The following FANCD2 variants were observed in gnomAD, a reference collection of about 807,000 sequenced individuals.
FANCD2 encodes the protein Fanconi anemia group D2 protein.
Under a neutral mutation model 192.3 loss-of-function variants are expected in FANCD2, and 131 were observed. That is an observed-to-expected ratio of 0.68 (90% CI 0.59 to 0.79). The LOEUF is 0.79. FANCD2 is among the 30% of genes least tolerant of loss of function. The pLI, the probability that FANCD2 is intolerant of heterozygous loss-of-function variation, is 0.00. For synonymous variants in FANCD2, 524 were observed against 612.5 expected (o/e 0.86, Z 2.13); for missense variants, 1,508 against 1,701.6 (o/e 0.89, Z 2.00).
intron 1 of FANCD2, among the ~76,000 whole-genome samples, chr3:10,027,647 T>C (rs939973541): frequency 7.9e-5 from 12 of 152,072 alleles, no homozygotes; most frequent in African/African-American, 2.9e-4. Context: ...GGCTCACGCC[T>C]GTAATCCCAG....
intron 33 of FANCD2, among the ~76,000 whole-genome samples, chr3:10,086,691 T>G (rs1028642905): frequency 1.3e-5 from 2 of 152,150 alleles, no homozygotes; most frequent in Non-Finnish European, 2.9e-5. Flanking sequence ...GTGGCCAGGC[T>G]GGTCTCTAAT....
Position 10,039,312 on chromosome 3 carries a change from C to A in FANCD2, c.525C>A (p.Leu175=). The A allele has an allele frequency of 6.2e-7, 1 of 1,613,912 alleles. No individual in the cohort carries two copies. Among genetic ancestry groups the A allele is most frequent in the South Asian group, 1.1e-5 (1 of 91,064 alleles). ...KNSDEINIPR[L]IVSQLKWLDR... The stretch of plus-strand genomic sequence containing the variant: ...GTGATGAAATCAACATACCTCGACT[C>A]ATTGTCAGTCAACTAAAATGGCTTG... The change falls in exon 8 of 44, where the codon CTC becomes CTA. Residue 175 remains leucine (L), a synonymous_variant. Transcript: ENST00000675286.
chr3:10,097,445 C>G (rs1437292622), intron 42 of FANCD2, among the ~76,000 whole-genome samples: 1 of 152,236 alleles, frequency 6.6e-6, no homozygotes, highest in Non-Finnish European at 1.5e-5. Flanking sequence ...CATTCTCTTT[C>G]TCAGGGACGT....
intron 20 of FANCD2, among the ~76,000 whole-genome samples, chr3:10,063,066 A>G (rs1246199584): frequency 6.6e-6 from 1 of 152,216 alleles, no homozygotes; most frequent in Non-Finnish European, 1.5e-5. Context: ...AGCAAGAAAG[A>G]TATGCCATGT....
Position 10,039,747 on chromosome 3 carries a change from G to A in FANCD2, c.597G>A (p.Leu199=). 1 of 1,614,018 alleles carries A rather than the reference G, an allele frequency of 6.2e-7. No individual in the cohort carries two copies. The highest frequency in any genetic ancestry group is 1.1e-5 in the South Asian group (1 of 91,058). ...ACCTCACCACCAAGATCATGCAGCT[G>A]ATCAGTATTGCTCCAGAGAACCTGC... ...GKDLTTKIMQ[L]ISIAPENLQH... Residue 199 remains leucine, a synonymous_variant, in exon 9 of 44, where the codon CTG becomes CTA. Coordinates refer to ENST00000675286, the MANE Select transcript of FANCD2 (RefSeq NM_001018115.3).
At position 10,051,401 on chromosome 3, in the gene FANCD2, AAAAAAACAAAAAG is replaced by A. The variant is rs1194055522; in HGVS notation, c.1546-985_1546-973del. On this transcript the variant is annotated intron_variant, in intron 17 of 43. Transcript: ENST00000675286. ...GTCTCAAAAAAAAAAAAAAAAAAAA[AAAAAAACAAAAAG>A]GAGTGAGGGATTTATCTCCCAGTGT... Among the ~76,000 whole-genome samples the A allele has an allele frequency of 7.7e-3, 79 of 10,260 alleles. 10 individuals are homozygous for A. The highest frequency in any genetic ancestry group is 0.038 in the Middle Eastern group (1 of 26). 6.7% of individuals were successfully genotyped at this position (10,260 alleles called of 152,430 possible).
In FANCD2 at chr3:10,090,305, G is replaced by T; in HGVS notation, c.3697G>T (p.Val1233Phe). ...FPTLTRHTFV[V>F]FFRVMMAELE... ...CCCGTCTTCTAGGCATACTTTTGTT[G>T]TTTTCTTCCGTGTGATGATGGCTGA... The change falls in exon 37 of 44, where the codon GTT becomes TTT. Residue 1233 changes from valine (V) to phenylalanine (F), a missense_variant. By Grantham distance (50) the Val-to-Phe change is conservative. Coordinates refer to ENST00000675286, the MANE Select transcript of FANCD2 (RefSeq NM_001018115.3). The T allele has an allele frequency of 1.2e-6, 2 of 1,613,504 alleles. No homozygotes were observed. Among genetic ancestry groups the T allele is most frequent in the Non-Finnish European group, 1.7e-6 (2 of 1,179,720 alleles).
chr3:10,065,987 G>T lies in FANCD2; in HGVS notation c.2385+8G>T. ...CTCAACTGGTTCCGAGAGGTGAGCA[G>T]AGTTAATAGGATGTTTCACTTATTG... On this transcript the variant is annotated splice_region_variant and intron_variant, in intron 25 of 43. Coordinates refer to ENST00000675286, the MANE Select transcript of FANCD2 (RefSeq NM_001018115.3). 2 of 1,480,462 alleles carry T rather than the reference G, an allele frequency of 1.4e-6. No homozygotes were observed. Among genetic ancestry groups the T allele is most frequent in the South Asian group, 1.1e-5 (1 of 88,338 alleles). The allele number at this position is 1,480,462 out of a possible 1,614,324, so 91.7% of individuals were successfully genotyped here. A position where few individuals can be genotyped will look rare whatever the true frequency, so the allele number is the denominator to read the frequency against.
chr3:10,070,060 G>A (rs1463824209), intron 26 of FANCD2, among the ~76,000 whole-genome samples: 1 of 148,880 alleles, frequency 6.7e-6, no homozygotes, highest in Non-Finnish European at 1.5e-5. Context: ...TGTGGGGAGC[G>A]CCTCTGCCCC....
chr3:10,071,125 TAA>T (rs35134252), intron 26 of FANCD2, among the ~76,000 whole-genome samples: 11 of 77,922 alleles, frequency 1.4e-4, no homozygotes, highest in Admixed American at 1.6e-4. Flanking sequence ...GAATGATCGA[TAA>T]AAAAAAAAAA....
Position 10,035,219 on chromosome 3 carries a change from A to G in FANCD2, c.424A>G (p.Ile142Val). Reference protein sequence around the residue: ...SKSLIKLLLGIDILQPAIIKT... With the variant: ...SKSLIKLLLGVDILQPAIIKT... ...GAGTCTCATCAAACTGCTTCTGGGGATTGACATACTGCAGGTAAGACTGTC... is the reference window on the plus strand; with the variant it reads ...GAGTCTCATCAAACTGCTTCTGGGGGTTGACATACTGCAGGTAAGACTGTC... Residue 142 changes from isoleucine to valine, a missense_variant, in exon 6 of 44, where the codon ATT (isoleucine) becomes GTT (valine). Physicochemically the swap from Ile to Val is conservative, Grantham distance 29. Coordinates refer to ENST00000675286, the MANE Select transcript of FANCD2 (RefSeq NM_001018115.3). 6.2e-7 allele frequency: 1 copy of G among 1,613,550 alleles called. No individual in the cohort carries two copies. The highest frequency in any genetic ancestry group is 8.5e-7 in the Non-Finnish European group (1 of 1,179,646).
At chr3:10,056,566 C>T (rs1047678963) in intron 18 of FANCD2, among the ~76,000 whole-genome samples, 2 of 151,822 alleles carry the variant, frequency 1.3e-5, no homozygotes, top group East Asian at 1.9e-4. Context: ...GGGTCTTATT[C>T]TGTTACCCAA....
At chr3:10,059,835 C>T (rs767287258) in intron 18 of FANCD2, among the ~76,000 whole-genome samples, 1 of 151,418 alleles carries the variant, frequency 6.6e-6, no homozygotes. Context: ...CCCCATTTCA[C>T]AGATGTAAAA....
At chr3:10,090,622 C>A (rs537878728) in intron 37 of FANCD2, among the ~76,000 whole-genome samples, 2 of 151,848 alleles carry the variant, frequency 1.3e-5, no homozygotes, top group South Asian at 4.2e-4. Flanking sequence ...CCACACCCGG[C>A]TAATTTTTAT....
chr3:10,086,185 G>C (rs1053152554), intron 33 of FANCD2, among the ~76,000 whole-genome samples: 1 of 152,164 alleles, frequency 6.6e-6, no homozygotes. Context: ...TGAAAACATT[G>C]ACCATCTGTA....
At position 10,034,324 on chromosome 3, in the gene FANCD2, CAAAAAAAAA is replaced by C. The variant is rs879221957; in HGVS notation, c.206-132_206-124del. On this transcript the variant is annotated intron_variant, in intron 3 of 43. Transcript: ENST00000675286. ...TAGGCAACAGAACAAAACTCCATCT[CAAAAAAAAA>C]AAAAAAAAAAAAGATTTGTCTCTGA... The C allele has an allele frequency of 8.9e-6, 3 of 336,896 alleles. No homozygotes were observed. In the African/African-American group the frequency reaches 1.4e-4, roughly 16 times the overall value. 20.9% of individuals were successfully genotyped at this position (336,896 alleles called of 1,614,324 possible). A position where few individuals can be genotyped will look rare whatever the true frequency, so the allele number is the denominator to read the frequency against.
chr3:10,043,046 G>T lies in FANCD2; in HGVS notation c.889-4G>T. ...AAACCATAGCTAATATTTACTTTCT[G>T]CAGGTAATTTCTGAGCTTCGGGAGA... On this transcript the variant is annotated splice_polypyrimidine_tract_variant and splice_region_variant and intron_variant, in intron 11 of 43. Transcript: ENST00000675286. 1 of 1,613,320 alleles carries T rather than the reference G, an allele frequency of 6.2e-7. No individual in the cohort carries two copies. The highest frequency in any genetic ancestry group is 2.2e-5 in the East Asian group (1 of 44,866).
intron 3 of FANCD2, among the ~76,000 whole-genome samples, chr3:10,033,847 G>T (rs187491254): frequency 6.6e-6 from 1 of 151,044 alleles, no homozygotes; most frequent in Non-Finnish European, 1.5e-5. Context: ...ACAGGCGCCC[G>T]CCACCATGCC....
chr3:10,028,083 T>A (rs2086501220), intron 1 of FANCD2, among the ~76,000 whole-genome samples: 1 of 150,814 alleles, frequency 6.6e-6, no homozygotes, highest in South Asian at 2.1e-4. Flanking sequence ...AAGGAGATTG[T>A]CCCTAAGAAA....
Sources: allele counts gnomAD v4.1 joint callset (sites outside exome capture counted in the v4.1 genomes callset), GRCh38; gene constraint gnomAD v4.1.1; transcripts MANE v1.5; gene names NCBI Gene and HGNC (gene_info 2026-07-23, HGNC 2026-07-21).